Variants in FGF12 observed in about 807,000 individuals in gnomAD.
FGF12 encodes fibroblast growth factor 12.
Under a neutral mutation model 23.6 loss-of-function variants are expected in FGF12, and 14 were observed. The ratio of observed to expected loss-of-function variants is 0.59; its 90% CI spans 0.39 to 0.93. The LOEUF (loss-of-function observed/expected upper bound fraction) is 0.93, where lower values mean the gene tolerates loss of function less well. Ranked by LOEUF, FGF12 falls within the 40% of genes least tolerant of loss-of-function variation. FGF12 has a pLI of 0.00. For missense variants in FGF12, 175 were observed against 217.8 expected, an observed-to-expected ratio of 0.80 and a Z score of 1.24; for synonymous variants, 62 against 77.3, an observed-to-expected ratio of 0.80 and a Z score of 1.04.
At chr3:192,147,652 C>A (rs969763935) in intron 5 of FGF12, among the ~76,000 whole-genome samples, 4 of 151,372 alleles carry the variant, frequency 2.6e-5, no homozygotes, top group South Asian at 4.1e-4. Flanking sequence ...GAAATTATCA[C>A]CCCCATTTTT....
intron 4 of FGF12, among the ~76,000 whole-genome samples, chr3:192,227,149 C>T (rs540600806): frequency 7.2e-5 from 11 of 152,154 alleles, no homozygotes; most frequent in South Asian, 2.1e-4. Context: ...TTTGTTACAG[C>T]GGCTCAAACA....
chr3:192,417,068 T>C (rs1429617802), intron 2 of FGF12, among the ~76,000 whole-genome samples: 1 of 152,122 alleles, frequency 6.6e-6, no homozygotes, highest in Non-Finnish European at 1.5e-5. Context: ...AGGTAATGTA[T>C]ACACATTGTA....
chr3:192,437,915 T>A (rs1722077803), intron 2 of FGF12, among the ~76,000 whole-genome samples: 1 of 152,148 alleles, frequency 6.6e-6, no homozygotes, highest in Non-Finnish European at 1.5e-5. Context: ...TCTCCTTCCT[T>A]CTTTTGTCCC....
At chr3:192,162,222 T>C (rs1714919908) in intron 5 of FGF12, among the ~76,000 whole-genome samples, 1 of 152,070 alleles carries the variant, frequency 6.6e-6, no homozygotes, top group African/African-American at 2.4e-5. Flanking sequence ...CTAAAGCAAT[T>C]TCACACCTGA....
At chr3:192,442,808 CTTTTT>C (rs764710938) in intron 2 of FGF12, among the ~76,000 whole-genome samples, 2 of 139,750 alleles carry the variant, frequency 1.4e-5, no homozygotes, top group African/African-American at 2.6e-5. Flanking sequence ...TGTATTCTAT[CTTTTT>C]TTTTTTTTTT....
intron 4 of FGF12, among the ~76,000 whole-genome samples, chr3:192,182,681 CA>C (rs1320485148): frequency 1.3e-5 from 2 of 152,172 alleles, no homozygotes; most frequent in Admixed American, 6.5e-5. Flanking sequence ...TTAAAGCAAA[CA>C]AACTCATCAT....
At chr3:192,354,489 G>C (rs1718376497) in intron 3 of FGF12, among the ~76,000 whole-genome samples, 1 of 150,232 alleles carries the variant, frequency 6.7e-6, no homozygotes, top group South Asian at 2.1e-4. Flanking sequence ...AACAGAATTA[G>C]AAAAAAAAGG....
chr3:192,716,275 T>C (rs1718863276), intron 2 of FGF12, among the ~76,000 whole-genome samples: 1 of 152,198 alleles, frequency 6.6e-6, no homozygotes, highest in African/African-American at 2.4e-5. Context: ...GTCCTTACGA[T>C]TCTGACATAA....
intron 2 of FGF12, among the ~76,000 whole-genome samples, chr3:192,627,735 C>T (rs1273237941): frequency 2.0e-5 from 3 of 152,108 alleles, no homozygotes; most frequent in Non-Finnish European, 2.9e-5. Flanking sequence ...CCCGTGTATA[C>T]TTTACGTAGT....
At chr3:192,618,701 G>A (rs1435607181) in intron 2 of FGF12, among the ~76,000 whole-genome samples, 2 of 151,980 alleles carry the variant, frequency 1.3e-5, no homozygotes, top group Admixed American at 6.6e-5. Context: ...AAAAAGAAAG[G>A]TAATAACGCT....
chr3:192,459,346 T>G (rs556464305), intron 2 of FGF12, among the ~76,000 whole-genome samples: 1 of 152,210 alleles, frequency 6.6e-6, no homozygotes, highest in South Asian at 2.1e-4. Flanking sequence ...GCAACAAAAT[T>G]TGGCATTTCC....
chr3:192,399,474 AT>A (rs1720668017), intron 2 of FGF12, among the ~76,000 whole-genome samples: 2 of 152,340 alleles, frequency 1.3e-5, no homozygotes, highest in South Asian at 4.1e-4. Context: ...ATGGTATTTT[AT>A]CATAACAACC....
At chr3:192,566,423 A>T (rs754604831) in intron 2 of FGF12, among the ~76,000 whole-genome samples, 49 of 152,260 alleles carry the variant, frequency 3.2e-4, no homozygotes, top group Admixed American at 1.4e-3. Flanking sequence ...CCTCAAATAC[A>T]CAATAGCCAT....
intron 2 of FGF12, among the ~76,000 whole-genome samples, chr3:192,501,194 T>A (rs536054826): frequency 8.5e-5 from 13 of 152,196 alleles, no homozygotes; most frequent in African/African-American, 3.1e-4. Context: ...AAAATCATTA[T>A]AGTTGTTACA....
At chr3:192,705,899 C>T (rs2108733984) in intron 2 of FGF12, among the ~76,000 whole-genome samples, 1 of 152,346 alleles carries the variant, frequency 6.6e-6, no homozygotes, top group East Asian at 1.9e-4. Flanking sequence ...CAGTGATTAA[C>T]ATAGTGCCTG....
chr3:192,654,306 T>A (rs1272755063), intron 2 of FGF12, among the ~76,000 whole-genome samples: 3 of 152,148 alleles, frequency 2.0e-5, no homozygotes, highest in Non-Finnish European at 4.4e-5. Flanking sequence ...AGTTGCAGTG[T>A]CACACAGGAC....
intron 4 of FGF12, among the ~76,000 whole-genome samples, chr3:192,208,946 T>C (rs1717792335): frequency 6.6e-6 from 1 of 152,240 alleles, no homozygotes; most frequent in South Asian, 2.1e-4. Flanking sequence ...TCCTTGTTGA[T>C]AAAAGCATGT....
chr3:192,264,581 A>C (rs1396549828), intron 4 of FGF12, among the ~76,000 whole-genome samples: 4 of 152,062 alleles, frequency 2.6e-5, no homozygotes, highest in Non-Finnish European at 5.9e-5. Flanking sequence ...ATTCAACCTA[A>C]GGAAGTAGCT....
At position 192,592,368 on chromosome 3, in the gene FGF12, G is replaced by A. The variant is rs370431243; in HGVS notation, c.13+134813C>T. On this transcript the variant is annotated intron_variant, in intron 2 of 5. Transcript: ENST00000445105. ...TAGGTATTGGAATCCAATCTTATTTGTCTACTGCCACCAGCATCTCTGGCC... is the reference window on the plus strand; with the variant it reads ...TAGGTATTGGAATCCAATCTTATTTATCTACTGCCACCAGCATCTCTGGCC... Among the ~76,000 whole-genome samples the A allele has an allele frequency of 1.3e-4, 20 of 151,882 alleles. 1 individual carries two copies. Among genetic ancestry groups the A allele is most frequent in the African/African-American group, 4.3e-4 (18 of 41,498 alleles).
Sources: gnomAD v4.1 joint callset for allele counts (sites outside exome capture counted in the v4.1 genomes callset) on GRCh38, gnomAD v4.1.1 for gene constraint, MANE v1.5 for transcripts, NCBI Gene and HGNC (gene_info 2026-07-23, HGNC 2026-07-21) for gene names.